Variants in DGKB observed in about 807,000 individuals in gnomAD.
DGKB encodes the protein 90 kDa diacylglycerol kinase.
A neutral mutation model predicts 114.3 loss-of-function variants in DGKB; 67 were observed. The ratio of observed to expected loss-of-function variants is 0.59; its 90% CI spans 0.48 to 0.72. The LOEUF is 0.72. Among genes scored for constraint, DGKB ranks in the 30% least tolerant of loss-of-function variants. The probability of loss-of-function intolerance (pLI) is 0.00; values close to 1 mark genes in which losing one functional copy is unlikely to be tolerated. For missense variants in DGKB, 907 were observed against 975.2 expected (o/e 0.93, Z 0.93); for synonymous variants, 398 against 323.1 (o/e 1.23, Z -2.49).
At chr7:14,900,322 T>C (rs1782810807) in intron 1 of DGKB, among the ~76,000 whole-genome samples, 1 of 152,144 alleles carries the variant, frequency 6.6e-6, no homozygotes. Context: ...CTTCACTATT[T>C]TTCCTGGAGT....
chr7:14,276,358 T>G (rs1488544883), intron 23 of DGKB, among the ~76,000 whole-genome samples: 1 of 152,200 alleles, frequency 6.6e-6, no homozygotes, highest in Non-Finnish European at 1.5e-5. Context: ...TTTCAAAAAG[T>G]ATTTTCTCAA....
intron 21 of DGKB, among the ~76,000 whole-genome samples, chr7:14,356,792 T>C (rs6952825): frequency 0.078 from 11,858 of 152,280 alleles, 769 homozygotes; most frequent in African/African-American, 0.17. Context: ...GATTCTGGTA[T>C]GTTGTGTCTT....
intron 23 of DGKB, among the ~76,000 whole-genome samples, chr7:14,252,829 C>G (rs1047059631): frequency 6.6e-6 from 1 of 152,164 alleles, no homozygotes; most frequent in Non-Finnish European, 1.5e-5. Context: ...TTTCACTCTT[C>G]TTTCCCATGT....
chr7:14,629,070 G>A (rs924798839), intron 14 of DGKB, among the ~76,000 whole-genome samples: 5 of 151,968 alleles, frequency 3.3e-5, no homozygotes, highest in Non-Finnish European at 5.9e-5. Context: ...GATCTCAAAT[G>A]CAATGCCTAT....
chr7:14,223,169 T>A (rs765747068), intron 23 of DGKB, among the ~76,000 whole-genome samples: 3 of 151,734 alleles, frequency 2.0e-5, no homozygotes, highest in Non-Finnish European at 4.4e-5. Flanking sequence ...ATGTCTGCCA[T>A]CTTAATTTTT....
chr7:14,649,310 C>T (rs1235945814), intron 13 of DGKB, among the ~76,000 whole-genome samples: 6 of 151,690 alleles, frequency 4.0e-5, no homozygotes, highest in Non-Finnish European at 8.8e-5. Context: ...GCAGAAACCC[C>T]ACAAGCCAGA....
At chr7:14,302,162 A>T (rs1803674947) in intron 23 of DGKB, among the ~76,000 whole-genome samples, 1 of 152,252 alleles carries the variant, frequency 6.6e-6, no homozygotes, top group Admixed American at 6.5e-5. Context: ...TTCAACACAC[A>T]ATATATAATG....
intron 20 of DGKB, among the ~76,000 whole-genome samples, chr7:14,551,838 G>A (rs1795145810): frequency 6.6e-6 from 1 of 151,976 alleles, no homozygotes; most frequent in African/African-American, 2.4e-5. Flanking sequence ...CATTTATTAT[G>A]GTTGAAACAC....
intron 20 of DGKB, among the ~76,000 whole-genome samples, chr7:14,535,486 G>C (rs1463074599): frequency 6.6e-6 from 1 of 151,730 alleles, no homozygotes. Flanking sequence ...ACACGCTAAA[G>C]CCATAGTTAG....
At chr7:14,443,023 A>T (rs562882738) in intron 21 of DGKB, among the ~76,000 whole-genome samples, 1 of 152,288 alleles carries the variant, frequency 6.6e-6, no homozygotes, top group African/African-American at 2.4e-5. Context: ...CATAAATTTT[A>T]TAAATCCAAA....
At chr7:14,429,058 G>A (rs1481424363) in intron 21 of DGKB, among the ~76,000 whole-genome samples, 18 of 152,128 alleles carry the variant, frequency 1.2e-4, no homozygotes, top group Admixed American at 1.1e-3. Context: ...GGCCCTCAGA[G>A]ATTACTAAAC....
chr7:14,923,722 C>T (rs887744160), intron 1 of DGKB, among the ~76,000 whole-genome samples: 13 of 151,978 alleles, frequency 8.6e-5, no homozygotes, highest in East Asian at 3.9e-4. Context: ...TGGCCGGGCA[C>T]GGTGGCACAT....
intron 23 of DGKB, among the ~76,000 whole-genome samples, chr7:14,337,072 G>A (rs918834152): frequency 1.3e-5 from 2 of 151,988 alleles, no homozygotes; most frequent in African/African-American, 4.8e-5. Context: ...ATTACAAAAG[G>A]GTTTTTTAAG....
At chr7:14,456,697 T>C (rs189359664) in intron 21 of DGKB, among the ~76,000 whole-genome samples, 1 of 152,154 alleles carries the variant, frequency 6.6e-6, no homozygotes, top group African/African-American at 2.4e-5. Context: ...CTTAAAAGTT[T>C]ACACAAAAAT....
At position 14,811,724 on chromosome 7, in the gene DGKB, A is replaced by T. The variant is rs10231815; in HGVS notation, c.70+29470T>A. Among the ~76,000 whole-genome samples the T allele has an allele frequency of 5.3e-3, 800 of 152,144 alleles. 5 individuals are homozygous for T. Among genetic ancestry groups the T allele is most frequent in the African/African-American group, 0.018 (752 of 41,524 alleles). On this transcript the variant is annotated intron_variant, in intron 2 of 25. Transcript: ENST00000402815. Reference sequence around the variant, plus strand: ...CTGATCATATTTATCCTGTCACTAGAGTTTTAAAAATTGGGCTATCCCTTA... The same window carrying T: ...CTGATCATATTTATCCTGTCACTAGTGTTTTAAAAATTGGGCTATCCCTTA...
chr7:14,578,520 C>G (rs890525350), intron 19 of DGKB, among the ~76,000 whole-genome samples: 3 of 152,152 alleles, frequency 2.0e-5, no homozygotes, highest in Non-Finnish European at 4.4e-5. Flanking sequence ...CTCCATTTCC[C>G]TAATTGCTCA....
rs539140555 is a variant in DGKB at position 14,146,465 on chromosome 7, T to C, written c.*2666A>G. ...GAGGGCGACTCAATAGCTGAAAATT[T>C]ATCTGCACACATAGAAGAGAAGTTT... On this transcript the variant is annotated 3_prime_UTR_variant, in exon 26 of 26. Coordinates refer to ENST00000402815, the MANE Select transcript of DGKB (RefSeq NM_001350709.2). 7 of 152,334 alleles carry C rather than the reference T, an allele frequency of 4.6e-5. No individual in the cohort carries two copies. The South Asian group carries it at 1.2e-3, about 27-fold the overall frequency. 9.4% of individuals were successfully genotyped at this position (152,334 alleles called of 1,614,324 possible).
At chr7:14,462,911 A>G (rs1245905299) in intron 21 of DGKB, among the ~76,000 whole-genome samples, 1 of 152,206 alleles carries the variant, frequency 6.6e-6, no homozygotes. Flanking sequence ...CCAATGGAAC[A>G]GAACATAGGC....
intron 1 of DGKB, among the ~76,000 whole-genome samples, chr7:14,949,356 C>A (rs185407434): frequency 1.3e-5 from 2 of 151,854 alleles, no homozygotes; most frequent in African/African-American, 4.8e-5. Flanking sequence ...TTTGGAAAAC[C>A]GCTTCTAACT....
Sources: allele counts gnomAD v4.1 joint callset (sites outside exome capture counted in the v4.1 genomes callset), GRCh38; gene constraint gnomAD v4.1.1; transcripts MANE v1.5; gene names NCBI Gene and HGNC (gene_info 2026-07-23, HGNC 2026-07-21).